Variants in HDAC9 observed in about 807,000 individuals in gnomAD.
The protein encoded by HDAC9 is histone deacetylase 9.
HDAC9 carries 41 observed loss-of-function variants against 139.4 expected under a neutral mutation model. The observed-to-expected ratio is 0.29, with a 90% CI of 0.23 to 0.38. The LOEUF (loss-of-function observed/expected upper bound fraction) is 0.38. HDAC9 is among the 10% of genes least tolerant of loss of function. The pLI, the probability that HDAC9 is intolerant of heterozygous loss-of-function variation, is 1.00. For synonymous variants in HDAC9, 517 were observed against 476.2 expected, an observed-to-expected ratio of 1.09 and a Z score of -1.12; for missense variants, 1,147 against 1,297.0, an observed-to-expected ratio of 0.88 and a Z score of 1.78.
At chr7:18,796,628 A>G (rs988544441) in intron 17 of HDAC9, among the ~76,000 whole-genome samples, 9 of 152,270 alleles carry the variant, frequency 5.9e-5, no homozygotes, top group South Asian at 4.1e-4. Context: ...CAAATTGGCT[A>G]TTTCTCAGAT....
intron 25 of HDAC9, among the ~76,000 whole-genome samples, chr7:18,980,745 CCTTCTTCTTCTTCCTT>C (rs1348804610): frequency 0.011 from 362 of 32,694 alleles, 3 homozygotes; most frequent in African/African-American, 0.032. Flanking sequence ...TCTTCTTCTT[CCTTCTTCTTCTTCCTT>C]CTTCTTCTTC....
At chr7:18,839,003 T>C (rs1465185311) in intron 21 of HDAC9, among the ~76,000 whole-genome samples, 1 of 151,974 alleles carries the variant, frequency 6.6e-6, no homozygotes, top group Non-Finnish European at 1.5e-5. Flanking sequence ...ATTTAAAAAA[T>C]ATAATAGAAT....
chr7:18,596,857 T>C (rs1832647943), intron 6 of HDAC9, among the ~76,000 whole-genome samples: 2 of 152,146 alleles, frequency 1.3e-5, no homozygotes, highest in Admixed American at 1.3e-4. Flanking sequence ...ATCAGCAATA[T>C]GTATTAGCAA....
intron 25 of HDAC9, among the ~76,000 whole-genome samples, chr7:18,983,727 A>G (rs898906424): frequency 6.6e-6 from 1 of 152,140 alleles, no homozygotes; most frequent in Admixed American, 6.5e-5. Context: ...GACAGTTCCA[A>G]TTGCATCATA....
At chr7:18,919,475 C>G (rs1426136738) in intron 22 of HDAC9, among the ~76,000 whole-genome samples, 1 of 152,006 alleles carries the variant, frequency 6.6e-6, no homozygotes, top group East Asian at 1.9e-4. Context: ...ATGTTAGGCA[C>G]TTTTCTATGA....
chr7:18,174,397 C>A (rs573443748), intron 2 of HDAC9, among the ~76,000 whole-genome samples: 4 of 152,298 alleles, frequency 2.6e-5, no homozygotes, highest in African/African-American at 9.6e-5. Context: ...GTTCGAACAT[C>A]CTCCTTTAGC....
At chr7:18,187,101 A>C (rs191594252) in intron 2 of HDAC9, among the ~76,000 whole-genome samples, 1 of 152,350 alleles carries the variant, frequency 6.6e-6, no homozygotes, top group Admixed American at 6.5e-5. Flanking sequence ...ATTATTCAAT[A>C]AGTGTACATT....
chr7:18,734,504 T>C (rs563831746), intron 13 of HDAC9, among the ~76,000 whole-genome samples: 88 of 152,314 alleles, frequency 5.8e-4, no homozygotes, highest in Non-Finnish European at 1.1e-3. Flanking sequence ...CTTGTGATAG[T>C]TTGCTGAGAA....
intron 2 of HDAC9, among the ~76,000 whole-genome samples, chr7:18,569,897 A>AT (rs1312485723): frequency 6.6e-6 from 1 of 152,212 alleles, no homozygotes; most frequent in Non-Finnish European, 1.5e-5. Flanking sequence ...ATCACAGTCT[A>AT]TCTTTTCAAA....
At chr7:18,678,795 TTAATGTC>T (rs775294214) in intron 12 of HDAC9, among the ~76,000 whole-genome samples, 8 of 151,990 alleles carry the variant, frequency 5.3e-5, no homozygotes, top group Non-Finnish European at 8.8e-5. Context: ...CCTGTTCTGT[TTAATGTC>T]TAGTAAATTT....
intron 1 of HDAC9, among the ~76,000 whole-genome samples, chr7:18,361,015 T>G (rs993871252): frequency 1.3e-5 from 2 of 152,214 alleles, no homozygotes; most frequent in African/African-American, 4.8e-5. Context: ...TCATTAAGCT[T>G]CTTCCAAAAG....
At chr7:18,901,400 C>G (rs901534456) in intron 22 of HDAC9, among the ~76,000 whole-genome samples, 2 of 151,922 alleles carry the variant, frequency 1.3e-5, no homozygotes, top group South Asian at 2.1e-4. Context: ...GTCTGCATTG[C>G]TGACATTAGG....
At chr7:18,920,962 G>A (rs1043615200) in intron 22 of HDAC9, among the ~76,000 whole-genome samples, 2 of 152,020 alleles carry the variant, frequency 1.3e-5, no homozygotes, top group African/African-American at 4.8e-5. Flanking sequence ...TGACAAACCT[G>A]ACAAAAACAA....
intron 2 of HDAC9, among the ~76,000 whole-genome samples, chr7:18,517,127 C>T (rs1441949707): frequency 6.6e-6 from 1 of 152,080 alleles, no homozygotes; most frequent in Non-Finnish European, 1.5e-5. Context: ...AACTGATGAT[C>T]TCACACATTG....
chr7:18,154,926 G>A (rs986230651), intron 1 of HDAC9, among the ~76,000 whole-genome samples: 3 of 152,298 alleles, frequency 2.0e-5, no homozygotes, highest in East Asian at 1.9e-4. Context: ...TGCAGGGAAG[G>A]TTATAGCGTG....
intron 1 of HDAC9, among the ~76,000 whole-genome samples, chr7:18,434,873 A>T (rs1436056101): frequency 6.6e-6 from 1 of 152,104 alleles, no homozygotes; most frequent in East Asian, 1.9e-4. Flanking sequence ...CATTCAACCC[A>T]TCAATCTCAT....
At chr7:18,283,824 G>A (rs1797260575) in intron 2 of HDAC9, among the ~76,000 whole-genome samples, 1 of 152,124 alleles carries the variant, frequency 6.6e-6, no homozygotes, top group Admixed American at 6.6e-5. Flanking sequence ...AAGGAAACAG[G>A]AATAAATGGC....
At chr7:18,257,958 G>C (rs57820243) in intron 2 of HDAC9, among the ~76,000 whole-genome samples, 1,713 of 152,214 alleles carry the variant, frequency 0.011, 38 homozygotes, top group African/African-American at 0.039. Flanking sequence ...CTGTGGCCTC[G>C]TTAGAAAGGC....
In HDAC9 at chr7:18,658,262, A is replaced by G. The variant is rs560276006; in HGVS notation, c.1468-7951A>G. Among the ~76,000 whole-genome samples the G allele has an allele frequency of 9.8e-4, 149 of 152,234 alleles. 1 individual carries two copies. Among genetic ancestry groups the G allele is most frequent in the Admixed American group, 4.5e-3 (68 of 15,276 alleles). ...GACCTTTCTTTTCCTAAGGCCTGGC[A>G]TATAGTAAACGCTCAATAAAAAATT... On this transcript the variant is annotated intron_variant, in intron 11 of 25. Transcript: ENST00000686413.
Sources: allele counts gnomAD v4.1 joint callset (sites outside exome capture counted in the v4.1 genomes callset), GRCh38; gene constraint gnomAD v4.1.1; transcripts MANE v1.5; gene names NCBI Gene and HGNC (gene_info 2026-07-23, HGNC 2026-07-21).